Variants in ZCCHC17 observed in about 807,000 individuals in gnomAD.
ZCCHC17 encodes zinc finger CCHC domain-containing protein 17.
In ZCCHC17, 18 loss-of-function variants were observed where a neutral mutation model predicts 30.6. The observed-to-expected ratio is 0.59, with a 90% CI of 0.41 to 0.87. The LOEUF is 0.87. Among genes scored for constraint, ZCCHC17 ranks in the 40% least tolerant of loss-of-function variants. The pLI, the probability that ZCCHC17 is intolerant of heterozygous loss-of-function variation, is 0.00. For synonymous variants in ZCCHC17, 88 were observed against 92.4 expected, an observed-to-expected ratio of 0.95 and a Z score of 0.27; for missense variants, 263 against 284.2, an observed-to-expected ratio of 0.93 and a Z score of 0.54.
At chr1:31,334,128 C>T (rs1324438405) in intron 3 of ZCCHC17, among the ~76,000 whole-genome samples, 1 of 152,034 alleles carries the variant, frequency 6.6e-6, no homozygotes, top group African/African-American at 2.4e-5. Flanking sequence ...GTATATAAAA[C>T]ATTTTAGAGG....
At chr1:31,346,568 A>G in intron 5 of ZCCHC17, 72 bp from the exon 6 acceptor site, 2 of 1,473,486 alleles carry the variant, frequency 1.4e-6, no homozygotes, top group Non-Finnish European at 1.8e-6. Flanking sequence ...AAACCAACAT[A>G]CAACCTTACC....
At chr1:31,336,200 G>A in intron 3 of ZCCHC17, among the ~76,000 whole-genome samples, 1 of 152,098 alleles carries the variant, frequency 6.6e-6, no homozygotes, top group South Asian at 2.1e-4. Flanking sequence ...AGCCTCTTGA[G>A]TAGCTGGGAT....
intron 2 of ZCCHC17, among the ~76,000 whole-genome samples, chr1:31,317,669 A>G (rs767739667): frequency 1.3e-5 from 2 of 151,662 alleles, no homozygotes; most frequent in Admixed American, 1.3e-4. Flanking sequence ...GGGTCTTGCT[A>G]TGTTATCCAG....
intron 3 of ZCCHC17, among the ~76,000 whole-genome samples, chr1:31,336,641 G>A (rs1163287204): frequency 2.0e-5 from 3 of 151,478 alleles, no homozygotes; most frequent in South Asian, 4.2e-4. Context: ...GATTACAGGC[G>A]TGAGCCACTG....
At chr1:31,363,701 G>A (rs1251336365) in intron 7 of ZCCHC17, among the ~76,000 whole-genome samples, 1 of 152,188 alleles carries the variant, frequency 6.6e-6, no homozygotes, top group Non-Finnish European at 1.5e-5. Flanking sequence ...AGGATTGCTT[G>A]AGCCCAAGAG....
At chr1:31,362,099 C>A (rs900015500) in intron 7 of ZCCHC17, among the ~76,000 whole-genome samples, 3 of 152,154 alleles carry the variant, frequency 2.0e-5, no homozygotes, top group African/African-American at 7.2e-5. Flanking sequence ...CATGAGCCAC[C>A]GCGCCCAGCC....
chr1:31,310,965 C>G (rs187074158), intron 2 of ZCCHC17, among the ~76,000 whole-genome samples: 1 of 152,194 alleles, frequency 6.6e-6, no homozygotes, highest in Admixed American at 6.5e-5. Flanking sequence ...CCTTGGCACC[C>G]TATTAGTTAA....
intron 3 of ZCCHC17, among the ~76,000 whole-genome samples, chr1:31,320,392 T>G (rs187372960): frequency 1.3e-4 from 20 of 152,272 alleles, no homozygotes; most frequent in African/African-American, 4.3e-4. Flanking sequence ...ATATTCAGAG[T>G]TTTGTGACCA....
chr1:31,318,737 CT>C (rs897494670), intron 2 of ZCCHC17, among the ~76,000 whole-genome samples: 1 of 152,098 alleles, frequency 6.6e-6, no homozygotes, highest in Admixed American at 6.6e-5. Context: ...TAAAATATAA[CT>C]TTATTACCTG....
chr1:31,309,950 G>C, intron 1 of ZCCHC17, 94 bp from the exon 2 acceptor site: 1 of 672,482 alleles, frequency 1.5e-6, no homozygotes. Flanking sequence ...AAATCTAGTG[G>C]TATTATTCTG....
At chr1:31,320,092 C>T (rs1646826428) in intron 3 of ZCCHC17, among the ~76,000 whole-genome samples, 1 of 152,020 alleles carries the variant, frequency 6.6e-6, no homozygotes, top group Non-Finnish European at 1.5e-5. Context: ...TTACTTGGTA[C>T]TATAGTAAAA....
intron 7 of ZCCHC17, among the ~76,000 whole-genome samples, chr1:31,361,534 A>G (rs1639893854): frequency 6.6e-6 from 1 of 152,238 alleles, no homozygotes; most frequent in African/African-American, 2.4e-5. Flanking sequence ...CAGAGCTAGA[A>G]TTTGAACTTA....
intron 7 of ZCCHC17, among the ~76,000 whole-genome samples, chr1:31,352,819 G>T (rs147245737): frequency 2.0e-5 from 3 of 152,182 alleles, no homozygotes; most frequent in African/African-American, 7.2e-5. Flanking sequence ...TCCATATTCT[G>T]GCTATTGTAA....
At chr1:31,349,140 A>G (rs1163908986) in intron 7 of ZCCHC17, among the ~76,000 whole-genome samples, 166 bp downstream of exon 7, 1 of 152,114 alleles carries the variant, frequency 6.6e-6, no homozygotes, top group African/African-American at 2.4e-5. Context: ...CGCTATGATT[A>G]TGCCTGTGAA....
chr1:31,341,947 G>A (rs1229021839), intron 5 of ZCCHC17, among the ~76,000 whole-genome samples: 2 of 151,994 alleles, frequency 1.3e-5, no homozygotes, highest in Non-Finnish European at 2.9e-5. Context: ...TATGGTGTAC[G>A]GAACCACACC....
At position 31,364,570 on chromosome 1, in the gene ZCCHC17, T is replaced by C. The variant is rs768317677; in HGVS notation, c.*377T>C. ...ACTGTTGTGGAGGTGAGTTCGGCTG[T>C]AGTTAGAGTGATTGGACCCTTCCTA... On this transcript the variant is annotated 3_prime_UTR_variant, in exon 8 of 8. Transcript: ENST00000344147. 1 of 219,324 alleles carries C rather than the reference T, an allele frequency of 4.6e-6. No homozygotes were observed. The highest frequency in any genetic ancestry group is 5.1e-5 in the Admixed American group (1 of 19,682). The allele number at this position is 219,324 out of a possible 1,614,324, so 13.6% of individuals were successfully genotyped here.
At chr1:31,337,140 C>T (rs1392309422) in intron 3 of ZCCHC17, 35 bp from the exon 4 acceptor site, 5 of 1,583,596 alleles carry the variant, frequency 3.2e-6, no homozygotes, top group Middle Eastern at 3.3e-4. Flanking sequence ...CAGATATGCC[C>T]TCTGCTTTAC....
At chr1:31,351,146 T>A (rs1329271872) in intron 7 of ZCCHC17, among the ~76,000 whole-genome samples, 1 of 152,198 alleles carries the variant, frequency 6.6e-6, no homozygotes, top group Non-Finnish European at 1.5e-5. Context: ...TCATATATTA[T>A]TACCTATTAA....
chr1:31,300,949 A>G (rs1020125783), intron 1 of ZCCHC17, among the ~76,000 whole-genome samples: 2 of 151,726 alleles, frequency 1.3e-5, no homozygotes, highest in Non-Finnish European at 2.9e-5. Flanking sequence ...AAAAAAAAGA[A>G]AAAAAAGGGT....
Sources: allele counts gnomAD v4.1 joint callset (sites outside exome capture counted in the v4.1 genomes callset), GRCh38; gene constraint gnomAD v4.1.1; transcripts MANE v1.5; gene names NCBI Gene and HGNC (gene_info 2026-07-23, HGNC 2026-07-21).